The following GGA2 variants were observed in gnomAD, a reference collection of about 807,000 sequenced individuals.
GGA2 encodes ADP-ribosylation factor-binding protein GGA2.
GGA2 carries 48 observed loss-of-function variants against 79.5 expected under a neutral mutation model. The ratio of observed to expected loss-of-function variants is 0.60; its 90% CI spans 0.48 to 0.77. The LOEUF (loss-of-function observed/expected upper bound fraction) is 0.77. Among genes scored for constraint, GGA2 ranks in the 30% least tolerant of loss-of-function variants. The pLI is 0.00. For synonymous variants in GGA2, 317 were observed against 302.0 expected (o/e 1.05, Z -0.51); for missense variants, 770 against 774.0 (o/e 0.99, Z 0.06).
At chr16:23,473,202 G>T (rs1178181364) in intron 14 of GGA2, among the ~76,000 whole-genome samples, 1 of 151,746 alleles carries the variant, frequency 6.6e-6, no homozygotes, top group Non-Finnish European at 1.5e-5. Context: ...TATACACACT[G>T]TGGTATCAAA....
Position 23,494,212 on chromosome 16 carries a change from G to A in GGA2, c.252+91C>T, listed in dbSNP as rs926928394. The A allele has an allele frequency of 1.5e-5, 13 of 863,480 alleles. No individual in the cohort carries two copies. The South Asian group carries it at 1.6e-4, about 11-fold the overall frequency. 53.5% of individuals were successfully genotyped at this position (863,480 alleles called of 1,614,324 possible). The stretch of plus-strand genomic sequence containing the variant: ...CCTCTCAGGGGACCTCCCTTCTCCA[G>A]TGAAAAGGATCTGTGTGGAAGCAAA... On this transcript the variant is annotated intron_variant, in intron 3 of 16. Transcript: ENST00000309859.
Position 23,517,316 on chromosome 16 carries a change from G to A in GGA2, c.61+2271C>T, listed in dbSNP as rs1283081706. Among the ~76,000 whole-genome samples, 2 of 10,410 alleles carry A rather than the reference G, an allele frequency of 1.9e-4. 1 individual carries two copies. Among genetic ancestry groups the A allele is most frequent in the Non-Finnish European group, 4.7e-4 (2 of 4,274 alleles). The allele number at this position is 10,410 out of a possible 152,430, so 6.8% of individuals were successfully genotyped here. ...GGGATCTCGGCTCACTGCAAGCTCC[G>A]CCTCCCGGGTTCACGCCATTCTCCT... On this transcript the variant is annotated intron_variant, in intron 2 of 5. Coordinates refer to the GGA2 transcript ENST00000569300.
At chr16:23,509,406 C>A (rs1965010179) in intron 1 of GGA2, among the ~76,000 whole-genome samples, 1 of 152,182 alleles carries the variant, frequency 6.6e-6, no homozygotes, top group Non-Finnish European at 1.5e-5. Flanking sequence ...AAACCAACTC[C>A]TACCACCACA....
chr16:23,485,758 T>G (rs1459980541), intron 8 of GGA2, among the ~76,000 whole-genome samples: 2 of 152,194 alleles, frequency 1.3e-5, no homozygotes, highest in African/African-American at 2.4e-5. Flanking sequence ...TAGAGGGTTA[T>G]GTACTGCATC....
upstream of GGA2, among the ~76,000 whole-genome samples, chr16:23,513,055 G>T (rs139127501): frequency 6.6e-6 from 1 of 152,024 alleles, no homozygotes; most frequent in Non-Finnish European, 1.5e-5. Context: ...TGAACATCTG[G>T]CAACACTGGA....
rs148700394 is a variant in GGA2, at chr16:23,516,308, G to A, written c.61+3279C>T. Among the ~76,000 whole-genome samples, 870 of 152,120 alleles carry A rather than the reference G, an allele frequency of 5.7e-3. 4 individuals carry two copies. Among genetic ancestry groups the A allele is most frequent in the African/African-American group, 0.019 (807 of 41,500 alleles). On this transcript the variant is annotated intron_variant, in intron 2 of 5. Coordinates refer to the GGA2 transcript ENST00000569300. ...ATTACAGGCATGAGCCACCACACTC[G>A]GCCTTTTCAGCTTCTATAATTTGGT... is the stretch of plus-strand genomic sequence containing the variant.
At chr16:23,512,865 C>T (rs1451913225), upstream of GGA2, among the ~76,000 whole-genome samples, 4 of 151,926 alleles carry the variant, frequency 2.6e-5, no homozygotes, top group East Asian at 1.9e-4. Context: ...CCACCACACC[C>T]GGCTAATTTT....
Position 23,518,399 on chromosome 16 carries a change from G to A in GGA2, c.61+1188C>T, listed in dbSNP as rs547531119. Among the ~76,000 whole-genome samples the A allele has an allele frequency of 4.1e-3, 620 of 151,650 alleles. 2 individuals carry two copies. Among genetic ancestry groups the A allele is most frequent in the South Asian group, 0.01 (49 of 4,802 alleles). On this transcript the variant is annotated intron_variant, in intron 2 of 5. Transcript: ENST00000569300. ...AATTTCTGTATTTTTTTGTAAAGAT[G>A]GGGGGGTTTCACCATGTTGCCCAGG...
chr16:23,469,244 T>G, intron 15 of GGA2: 1 of 394,108 alleles, frequency 2.5e-6, no homozygotes, highest in Non-Finnish European at 4.8e-6. Context: ...AACCGGCATC[T>G]GAGACGCAGC....
chr16:23,510,939 GTGTGTGTGTT>G (rs1372388166), upstream of GGA2, among the ~76,000 whole-genome samples: 10 of 128,312 alleles, frequency 7.8e-5, no homozygotes, highest in African/African-American at 2.8e-4. Context: ...GTGTGTGTGT[GTGTGTGTGTT>G]AGAGACTGGG....
intron 14 of GGA2, among the ~76,000 whole-genome samples, chr16:23,474,410 TGTG>T (rs1473409513): frequency 3.3e-5 from 5 of 151,672 alleles, no homozygotes; most frequent in Non-Finnish European, 7.4e-5. Context: ...CAGGCTAGAG[TGTG>T]GTGGCATGAT....
At chr16:23,476,519 A>C (rs142422322) in intron 13 of GGA2, among the ~76,000 whole-genome samples, 2 of 152,354 alleles carry the variant, frequency 1.3e-5, no homozygotes, top group Non-Finnish European at 2.9e-5. Flanking sequence ...AAAAAGGGAA[A>C]TGATCAAATA....
exon 1 of GGA2, chr16:23,521,826 T>G (rs181442353): frequency 2.2e-4 from 99 of 455,790 alleles, no homozygotes; most frequent in African/African-American, 1.8e-3. Flanking sequence ...TTTTAACCAT[T>G]CTTAATGTCT....
In GGA2 at chr16:23,465,601, T is replaced by C. The variant is rs1412739540; in HGVS notation, c.*1989A>G. ...CCTTCAGAGGGAGATGCTGTCATTA[T>C]GATGGGTACCTCTTCAAGACTACGC... On this transcript the variant is annotated 3_prime_UTR_variant, in exon 17 of 17. Transcript: ENST00000309859. 2 of 601,652 alleles carry C rather than the reference T, an allele frequency of 3.3e-6. No homozygotes were observed. The highest frequency in any genetic ancestry group is 5.5e-5 in the East Asian group (2 of 36,092). 37.3% of individuals were successfully genotyped at this position (601,652 alleles called of 1,614,324 possible). A position where few individuals can be genotyped will look rare whatever the true frequency, so the allele number is the denominator to read the frequency against.
upstream of GGA2, among the ~76,000 whole-genome samples, chr16:23,515,351 C>T (rs1326640649): frequency 4.0e-5 from 6 of 151,414 alleles, no homozygotes; most frequent in African/African-American, 1.5e-4. Context: ...AATCCCAGCA[C>T]TTTGGGAGGC....
At chr16:23,483,966 G>A (rs1964681128) in intron 8 of GGA2, among the ~76,000 whole-genome samples, 1 of 146,878 alleles carries the variant, frequency 6.8e-6, no homozygotes, top group South Asian at 2.3e-4. Context: ...TTTCTTAGAT[G>A]TGATAACAAA....
Position 23,465,501 on chromosome 16 carries a change from T to C in GGA2, c.*2089A>G. The C allele has an allele frequency of 1.4e-6, 1 of 690,034 alleles. No individual in the cohort carries two copies. The highest frequency in any genetic ancestry group is 2.6e-6 in the Non-Finnish European group (1 of 378,188). The allele number at this position is 690,034 out of a possible 1,614,324, so 42.7% of individuals were successfully genotyped here. A position where few individuals can be genotyped will look rare whatever the true frequency, so the allele number is the denominator to read the frequency against. ...GCAAGAATGTTCAGGTACACATGTG[T>C]GAGTTCACCTCCTAACTATAGGGGA... On this transcript the variant is annotated 3_prime_UTR_variant, in exon 17 of 17. Transcript: ENST00000309859.
At chr16:23,524,327 C>T (rs1965187618), upstream of GGA2, 1 of 1,564,370 alleles carries the variant, frequency 6.4e-7, no homozygotes, top group South Asian at 1.1e-5. Context: ...TTTCTAAGCT[C>T]ACAGGTTCTT....
chr16:23,473,755 T>C (rs1478913735), intron 14 of GGA2, among the ~76,000 whole-genome samples: 1 of 152,254 alleles, frequency 6.6e-6, no homozygotes, highest in Admixed American at 6.5e-5. Context: ...CAAAAATTTC[T>C]ATATACCCTT....
Sources: allele counts gnomAD v4.1 joint callset (sites outside exome capture counted in the v4.1 genomes callset), GRCh38; gene constraint gnomAD v4.1.1; transcripts MANE v1.5; gene names NCBI Gene and HGNC (gene_info 2026-07-23, HGNC 2026-07-21).